Variants in HPSE2 observed in about 807,000 individuals in gnomAD.
HPSE2 encodes the protein heparanase 2 (inactive).
Under a neutral mutation model 60.5 loss-of-function variants are expected in HPSE2, and 38 were observed. The ratio of observed to expected loss-of-function variants is 0.63; its 90% CI spans 0.48 to 0.82. HPSE2 has a LOEUF of 0.82. Ranked by LOEUF, HPSE2 falls within the 40% of genes least tolerant of loss-of-function variation. HPSE2 has a pLI of 0.00. For synonymous variants in HPSE2, 295 were observed against 293.2 expected (o/e 1.01, Z -0.06); for missense variants, 713 against 740.4 (o/e 0.96, Z 0.43).
intron 3 of HPSE2, among the ~76,000 whole-genome samples, chr10:99,094,891 T>C (rs1843666536): frequency 6.6e-6 from 1 of 151,822 alleles, no homozygotes; most frequent in South Asian, 2.1e-4. Flanking sequence ...AAATTTCCGC[T>C]TTAGAAAAGT....
intron 9 of HPSE2, among the ~76,000 whole-genome samples, chr10:98,509,571 A>T (rs1233082170): frequency 2.0e-5 from 3 of 151,184 alleles, no homozygotes; most frequent in African/African-American, 7.3e-5. Context: ...TCGTGATCTC[A>T]GCTCACTGCA....
the HPSE2 span, among the ~76,000 whole-genome samples, chr10:99,307,829 TGC>T: frequency 0.017 from 2,543 of 145,540 alleles, 33 homozygotes; most frequent in Middle Eastern, 0.029. Context: ...ACCTAGTAAA[TGC>T]GCACACACAC....
chr10:98,705,738 C>T (rs1948530374), intron 5 of HPSE2, among the ~76,000 whole-genome samples: 1 of 152,098 alleles, frequency 6.6e-6, no homozygotes, highest in Admixed American at 6.6e-5. Context: ...GGGAGCAACA[C>T]ACACTGGGTC....
At chr10:98,507,607 C>G (rs1942244912) in intron 9 of HPSE2, among the ~76,000 whole-genome samples, 1 of 152,056 alleles carries the variant, frequency 6.6e-6, no homozygotes, top group South Asian at 2.1e-4. Context: ...CCTTTTTCAT[C>G]CTTGCATTTC....
chr10:99,158,974 G>C (rs1846707063), intron 2 of HPSE2, among the ~76,000 whole-genome samples: 1 of 152,072 alleles, frequency 6.6e-6, no homozygotes, highest in South Asian at 2.1e-4. Flanking sequence ...GTCAGATTGA[G>C]TTTCAAAAGA....
At chr10:98,826,123 C>T (rs1331479587) in intron 3 of HPSE2, among the ~76,000 whole-genome samples, 1 of 152,134 alleles carries the variant, frequency 6.6e-6, no homozygotes, top group Non-Finnish European at 1.5e-5. Context: ...TTTATTTCCC[C>T]ACTAAAATGT....
chr10:99,281,256 T>G, the HPSE2 span, among the ~76,000 whole-genome samples: 2 of 146,988 alleles, frequency 1.4e-5, no homozygotes, highest in African/African-American at 4.9e-5. Context: ...TATTAATATA[T>G]AATAATATAT....
At chr10:98,738,018 T>C (rs558704016) in intron 4 of HPSE2, among the ~76,000 whole-genome samples, 26 of 152,356 alleles carry the variant, frequency 1.7e-4, no homozygotes, top group Middle Eastern at 3.4e-3. Flanking sequence ...AGAGCCCATA[T>C]AGTCAAGACA....
At chr10:99,124,591 G>A (rs1845093488) in intron 3 of HPSE2, among the ~76,000 whole-genome samples, 1 of 152,240 alleles carries the variant, frequency 6.6e-6, no homozygotes, top group South Asian at 2.1e-4. Flanking sequence ...GGGGACTGGT[G>A]TGTCAGCACT....
chr10:99,180,198 T>G (rs548278705), intron 2 of HPSE2, among the ~76,000 whole-genome samples: 83 of 152,280 alleles, frequency 5.5e-4, no homozygotes, highest in South Asian at 3.9e-3. Context: ...GACATAGGCA[T>G]GGGCAAAGAC....
At chr10:99,024,076 A>C (rs1957324419) in intron 3 of HPSE2, among the ~76,000 whole-genome samples, 2 of 152,232 alleles carry the variant, frequency 1.3e-5, no homozygotes, top group Admixed American at 1.3e-4. Context: ...TGTGTGAGGA[A>C]ACTCAAAGAA....
At chr10:98,944,266 G>A (rs1955113857) in intron 3 of HPSE2, among the ~76,000 whole-genome samples, 1 of 152,082 alleles carries the variant, frequency 6.6e-6, no homozygotes, top group Non-Finnish European at 1.5e-5. Flanking sequence ...GAGAGCAAGA[G>A]GACAGCAAGG....
intron 4 of HPSE2, among the ~76,000 whole-genome samples, chr10:98,733,202 C>A (rs1949270913): frequency 1.3e-5 from 2 of 152,092 alleles, no homozygotes; most frequent in South Asian, 2.1e-4. Context: ...CTCACTGCAA[C>A]CTTGAGTTCC....
intron 6 of HPSE2, among the ~76,000 whole-genome samples, chr10:98,687,076 T>C (rs1947937009): frequency 6.6e-6 from 1 of 152,200 alleles, no homozygotes; most frequent in South Asian, 2.1e-4. Context: ...TTTTTTTTCT[T>C]TGTATATTTT....
intron 3 of HPSE2, among the ~76,000 whole-genome samples, chr10:99,035,610 T>G (rs1019298266): frequency 1.3e-5 from 2 of 152,254 alleles, no homozygotes; most frequent in Non-Finnish European, 2.9e-5. Flanking sequence ...TATAGTTTTA[T>G]GTGCTAGCTA....
chr10:99,213,789 A>G (rs1298585786), intron 2 of HPSE2, among the ~76,000 whole-genome samples: 3 of 152,158 alleles, frequency 2.0e-5, no homozygotes, highest in Non-Finnish European at 4.4e-5. Flanking sequence ...CTGAGCCTCA[A>G]TTTCCTCTTC....
At chr10:99,233,093 T>A (rs1849719649) in intron 1 of HPSE2, among the ~76,000 whole-genome samples, 1 of 152,236 alleles carries the variant, frequency 6.6e-6, no homozygotes, top group Admixed American at 6.5e-5. Flanking sequence ...TCCGAGTTGA[T>A]TTTCCTTTTT....
chr10:98,617,808 C>T (rs186658533), intron 8 of HPSE2, among the ~76,000 whole-genome samples: 1 of 152,292 alleles, frequency 6.6e-6, no homozygotes, highest in African/African-American at 2.4e-5. Flanking sequence ...TGAGACACAG[C>T]AGCATACCAA....
Position 98,620,700 on chromosome 10 carries a change from A to G in HPSE2, c.1107T>C (p.Asn369=). 6.2e-7 allele frequency: 1 copy of G among 1,611,620 alleles called. No homozygotes were observed. The change falls in exon 8 of 12, where the codon AAT becomes AAC. Residue 369 remains asparagine, a synonymous_variant. Coordinates refer to ENST00000370552, the MANE Select transcript of HPSE2 (RefSeq NM_021828.5). ...DQIRKIQKVV[N]TYTPGKKIWL... ...AAATCTTCTTTCCTGGAGTGTATGT[A>G]TTAACCACCTGTTTACACAACAAAA...
Sources: allele counts gnomAD v4.1 joint callset (sites outside exome capture counted in the v4.1 genomes callset), GRCh38; gene constraint gnomAD v4.1.1; transcripts MANE v1.5; gene names NCBI Gene and HGNC (gene_info 2026-07-23, HGNC 2026-07-21).